The following FAF1 variants were observed in gnomAD, a reference collection of about 807,000 sequenced individuals.
The protein encoded by FAF1 is FAS-associated factor 1.
Under a neutral mutation model 92.5 loss-of-function variants are expected in FAF1, and 25 were observed. That is an observed-to-expected ratio of 0.27 (90% CI 0.20 to 0.38). The LOEUF (loss-of-function observed/expected upper bound fraction) is 0.38, where lower values mean the gene tolerates loss of function less well. Ranked by LOEUF, FAF1 falls within the 10% of genes least tolerant of loss-of-function variation. The probability of loss-of-function intolerance (pLI) is 1.00; values close to 1 mark genes in which losing one functional copy is unlikely to be tolerated. For synonymous variants in FAF1, 234 were observed against 273.2 expected, an observed-to-expected ratio of 0.86 and a Z score of 1.42; for missense variants, 636 against 793.3, an observed-to-expected ratio of 0.80 and a Z score of 2.38.
chr1:50,655,765 G>A (rs1005342068), intron 7 of FAF1, among the ~76,000 whole-genome samples: 18 of 152,114 alleles, frequency 1.2e-4, no homozygotes, highest in African/African-American at 3.9e-4. Flanking sequence ...TCCCTCTCTT[G>A]TTTTCAACTC....
chr1:50,544,315 C>G (rs1412072949), intron 13 of FAF1, among the ~76,000 whole-genome samples: 7 of 152,156 alleles, frequency 4.6e-5, no homozygotes, highest in African/African-American at 1.7e-4. Flanking sequence ...CCTTTAGTGG[C>G]CTATAAATCA....
chr1:50,556,975 T>C (rs946657645), intron 13 of FAF1, among the ~76,000 whole-genome samples: 3 of 152,230 alleles, frequency 2.0e-5, no homozygotes, highest in East Asian at 1.9e-4. Flanking sequence ...AGTTAATACA[T>C]AGCTTTCCTA....
At chr1:50,626,939 G>A (rs1008081903) in intron 8 of FAF1, among the ~76,000 whole-genome samples, 16 of 152,144 alleles carry the variant, frequency 1.1e-4, no homozygotes, top group Non-Finnish European at 1.9e-4. Context: ...AAGACAGAGA[G>A]AAATTAAGAA....
intron 7 of FAF1, among the ~76,000 whole-genome samples, chr1:50,676,808 C>T (rs1041031152): frequency 6.6e-6 from 1 of 151,948 alleles, no homozygotes; most frequent in African/African-American, 2.4e-5. Flanking sequence ...GGCAAAAGAG[C>T]GAGACTCCAT....
At chr1:50,723,207 C>T (rs1487568064) in intron 6 of FAF1, among the ~76,000 whole-genome samples, 1 of 152,050 alleles carries the variant, frequency 6.6e-6, no homozygotes, top group East Asian at 1.9e-4. Flanking sequence ...TTGAGACCAG[C>T]CTGGCCAACA....
At chr1:50,686,677 G>A (rs1656676839) in intron 7 of FAF1, among the ~76,000 whole-genome samples, 1 of 152,044 alleles carries the variant, frequency 6.6e-6, no homozygotes, top group Admixed American at 6.5e-5. Flanking sequence ...ACTATCCAGT[G>A]CTTAATATCA....
At chr1:50,688,352 T>C (rs1214169557) in intron 7 of FAF1, among the ~76,000 whole-genome samples, 1 of 151,988 alleles carries the variant, frequency 6.6e-6, no homozygotes, top group Non-Finnish European at 1.5e-5. Flanking sequence ...GTATACGTAA[T>C]AGAAATGAAA....
intron 1 of FAF1, among the ~76,000 whole-genome samples, chr1:50,915,655 T>G (rs1644914304): frequency 6.6e-6 from 1 of 151,872 alleles, no homozygotes; most frequent in African/African-American, 2.4e-5. Flanking sequence ...ACAAGGAACC[T>G]CCCAGTTCCC....
At chr1:50,471,113 T>C (rs1646566525) in intron 18 of FAF1, 1 of 152,246 alleles carries the variant, frequency 6.6e-6, no homozygotes, top group African/African-American at 2.4e-5. Flanking sequence ...TGTTTTGCTA[T>C]AATGAGAGAA....
At chr1:50,728,863 G>A (rs1315085380) in intron 6 of FAF1, among the ~76,000 whole-genome samples, 2 of 150,374 alleles carry the variant, frequency 1.3e-5, no homozygotes, top group African/African-American at 4.9e-5. Context: ...TCAAGCTGTA[G>A]TTTTATGGAG....
At chr1:50,619,843 A>G (rs1259500096) in intron 8 of FAF1, among the ~76,000 whole-genome samples, 1 of 151,686 alleles carries the variant, frequency 6.6e-6, no homozygotes, top group Non-Finnish European at 1.5e-5. Context: ...ATATTTTCCA[A>G]GTTGCTTATT....
At chr1:50,483,717 G>A (rs547790743) in intron 17 of FAF1, among the ~76,000 whole-genome samples, 2 of 152,294 alleles carry the variant, frequency 1.3e-5, no homozygotes, top group Non-Finnish European at 2.9e-5. Flanking sequence ...TGGCTTAGAT[G>A]AGGGTGATAG....
At chr1:50,576,633 G>A (rs1427430927) in intron 12 of FAF1, among the ~76,000 whole-genome samples, 2 of 131,844 alleles carry the variant, frequency 1.5e-5, no homozygotes, top group South Asian at 2.7e-4. Context: ...TCTCCGCACC[G>A]CCCCCCCCCC....
intron 9 of FAF1, among the ~76,000 whole-genome samples, chr1:50,587,119 C>T (rs138065801): frequency 6.6e-6 from 1 of 152,300 alleles, no homozygotes; most frequent in Non-Finnish European, 1.5e-5. Flanking sequence ...TCTTTCTATA[C>T]TTACCCCTTT....
chr1:50,866,503 C>T (rs1418206758), intron 1 of FAF1, among the ~76,000 whole-genome samples: 1 of 151,942 alleles, frequency 6.6e-6, no homozygotes, highest in African/African-American at 2.4e-5. Context: ...TTTCAGGATA[C>T]AAAATCAAAT....
At chr1:50,781,587 G>A (rs1661181556) in intron 4 of FAF1, among the ~76,000 whole-genome samples, 1 of 152,074 alleles carries the variant, frequency 6.6e-6, no homozygotes, top group African/African-American at 2.4e-5. Flanking sequence ...TTTCAATAAT[G>A]AATAGAAATA....
intron 4 of FAF1, among the ~76,000 whole-genome samples, chr1:50,773,434 C>T (rs1458233853): frequency 2.0e-5 from 3 of 152,022 alleles, no homozygotes; most frequent in East Asian, 3.8e-4. Flanking sequence ...TCTATGTGCC[C>T]GTCAATAGAT....
At chr1:50,592,845 C>A (rs144362412) in intron 9 of FAF1, among the ~76,000 whole-genome samples, 1 of 150,780 alleles carries the variant, frequency 6.6e-6, no homozygotes, top group East Asian at 1.9e-4. Context: ...GGCTAAGGCA[C>A]GAGAATTGCT....
chr1:50,568,985 GCT>G (rs1351441861), intron 12 of FAF1, among the ~76,000 whole-genome samples: 1 of 152,172 alleles, frequency 6.6e-6, no homozygotes, highest in African/African-American at 2.4e-5. Flanking sequence ...TTGTTGAAAT[GCT>G]CTTTGTGTCA....
Sources: allele counts gnomAD v4.1 joint callset (sites outside exome capture counted in the v4.1 genomes callset), GRCh38; gene constraint gnomAD v4.1.1; transcripts MANE v1.5; gene names NCBI Gene and HGNC (gene_info 2026-07-23, HGNC 2026-07-21).